Variants in SSH2 observed in about 807,000 individuals in gnomAD.
SSH2 encodes the protein slingshot protein phosphatase 2, also known as protein phosphatase Slingshot homolog 2.
In SSH2, 37 loss-of-function variants were observed where a neutral mutation model predicts 135.2. The ratio of observed to expected loss-of-function variants is 0.27; its 90% CI spans 0.21 to 0.36. The LOEUF is 0.36. Among genes scored for constraint, SSH2 ranks in the 10% least tolerant of loss-of-function variants. SSH2 has a pLI of 1.00. For synonymous variants in SSH2, 628 were observed against 646.2 expected (o/e 0.97, Z 0.43); for missense variants, 1,408 against 1,765.3 (o/e 0.80, Z 3.63).
chr17:29,876,680 A>C (rs1444954857), intron 1 of SSH2, among the ~76,000 whole-genome samples: 1 of 152,142 alleles, frequency 6.6e-6, no homozygotes, highest in Non-Finnish European at 1.5e-5. Context: ...AGAAGAATAA[A>C]ACTAGACCTC....
intron 3 of SSH2, among the ~76,000 whole-genome samples, chr17:29,739,634 A>G (rs770523386): frequency 2.0e-5 from 3 of 152,210 alleles, no homozygotes; most frequent in Non-Finnish European, 2.9e-5. Flanking sequence ...AGCCCTAATA[A>G]TAAATGCAAA....
chr17:29,636,011 G>C lies in SSH2; in HGVS notation c.2219C>G (p.Pro740Arg). 1 of 1,613,990 alleles carries C rather than the reference G, an allele frequency of 6.2e-7. No individual in the cohort carries two copies. Among genetic ancestry groups the C allele is most frequent in the Non-Finnish European group, 8.5e-7 (1 of 1,179,918 alleles). The change falls in exon 15 of 16, where the codon CCC becomes CGC. Residue 740 changes from proline to arginine, a missense_variant. By Grantham distance (103) the Pro-to-Arg change is moderately radical. Transcript: ENST00000540801. ...CATTGAAGATTCTTCTGATGCATGG[G>C]GAGTATTACTCAAAGAGCTGCTTCT... ...DQRSSSLSNTPHASEESSMDE... is the reference protein window; with the variant it reads ...DQRSSSLSNTRHASEESSMDE...
At chr17:29,909,814 C>G (rs540589736) in intron 1 of SSH2, among the ~76,000 whole-genome samples, 2 of 152,296 alleles carry the variant, frequency 1.3e-5, no homozygotes, top group Non-Finnish European at 2.9e-5. Context: ...TTGTTAGAAA[C>G]AAGACAGTCT....
intron 11 of SSH2, among the ~76,000 whole-genome samples, chr17:29,658,334 G>A (rs567620464): frequency 1.2e-4 from 18 of 151,150 alleles, no homozygotes; most frequent in South Asian, 8.4e-4. Context: ...GGTGGGTCTC[G>A]TTATGATGCC....
chr17:29,652,930 A>G (rs1194370829), intron 12 of SSH2, among the ~76,000 whole-genome samples: 1 of 152,208 alleles, frequency 6.6e-6, no homozygotes, highest in Admixed American at 6.6e-5. Flanking sequence ...TGCTGGGATT[A>G]CAGGTGTGAA....
At chr17:29,878,668 A>T (rs1002176745) in intron 1 of SSH2, among the ~76,000 whole-genome samples, 1 of 152,248 alleles carries the variant, frequency 6.6e-6, no homozygotes, top group Non-Finnish European at 1.5e-5. Flanking sequence ...TTTCTTCTAG[A>T]TTTCCACTAC....
Position 29,632,043 on chromosome 17 carries a change from T to A in SSH2, c.3151A>T (p.Thr1051Ser). ...YTHIVTSPNH[T>S]GPGSEIATSE... The stretch of plus-strand genomic sequence containing the variant: ...GTGGCTATTTCACTCCCTGGCCCAG[T>A]GTGATTGGGTGATGTAACTATGTGG... Residue 1051 changes from threonine to serine, a missense_variant, in exon 16 of 16, where the codon ACT (threonine) becomes TCT (serine). Around this residue, in one of 3 missense-constraint regions of SSH2, gnomAD observed 1,080 missense variants for 1,144.5 expected, o/e 0.94. Coordinates refer to ENST00000540801, the MANE Select transcript of SSH2 (RefSeq NM_001282129.2). 1.2e-6 allele frequency: 2 copies of A among 1,614,152 alleles called. No individual in the cohort carries two copies. The highest frequency in any genetic ancestry group is 1.7e-6 in the Non-Finnish European group (2 of 1,180,018).
At chr17:29,766,954 C>A (rs1221874917) in intron 3 of SSH2, among the ~76,000 whole-genome samples, 2 of 152,062 alleles carry the variant, frequency 1.3e-5, no homozygotes, top group Non-Finnish European at 2.9e-5. Context: ...TACAATAAAC[C>A]AAACTTTGTA....
At chr17:29,669,119 G>A (rs1276616032) in intron 9 of SSH2, among the ~76,000 whole-genome samples, 2 of 151,748 alleles carry the variant, frequency 1.3e-5, no homozygotes, top group South Asian at 2.1e-4. Flanking sequence ...CATGGTGGTG[G>A]GTGCCTGTAA....
In SSH2 at chr17:29,858,488, T is replaced by C. The variant is rs1248629603; in HGVS notation, c.64-9559A>G. Among the ~76,000 whole-genome samples, 3 of 152,126 alleles carry C rather than the reference T, an allele frequency of 2.0e-5. No homozygotes were observed. The East Asian group carries it at 5.8e-4, about 29-fold the overall frequency. ...ACGGAGCCTTTAAAGAGTAATCAAG[T>C]TAAAATGAGGTTTAGTAACCTAGGG... On this transcript the variant is annotated intron_variant, in intron 1 of 15. Coordinates refer to ENST00000540801, the MANE Select transcript of SSH2 (RefSeq NM_001282129.2).
rs552457224 is a variant in SSH2, at chr17:29,636,443, T to C, written c.1787A>G (p.Asn596Ser). ...AATTAAGGCTTTGGATGCATGGCAA[T>C]TGTCAAGAGGAAATTTTGATTCATT... ...CLNESKFPLDNCHASKALIQP... is the reference protein window; with the variant it reads ...CLNESKFPLDSCHASKALIQP... Residue 596 changes from asparagine (N) to serine (S), a missense_variant, in exon 15 of 16, where the codon AAT becomes AGT. Asn to Ser is a conservative substitution (Grantham distance 46). Coordinates refer to ENST00000540801, the MANE Select transcript of SSH2 (RefSeq NM_001282129.2). 3.6e-5 allele frequency: 58 copies of C among 1,614,220 alleles called. No individual in the cohort carries two copies. In the South Asian group the frequency reaches 6.0e-4, roughly 17 times the overall value.
At position 29,634,543 on chromosome 17, in the gene SSH2, G is replaced by GATT. The variant is rs138491296; in HGVS notation, c.2262+1422_2262+1424dup. 8.5e-4 allele frequency among the ~76,000 whole-genome samples: 128 copies of GATT among 151,240 alleles called. No homozygotes were observed. The South Asian group carries it at 0.011, about 13-fold the overall frequency. ...TCTGCTGGCAAATTCATTTCCTTTT[G>GATT]ATTATTATTATTATTATTATTATTT... On this transcript the variant is annotated intron_variant, in intron 15 of 15. Coordinates refer to ENST00000540801, the MANE Select transcript of SSH2 (RefSeq NM_001282129.2).
At chr17:29,787,328 A>G (rs1420689721) in intron 3 of SSH2, among the ~76,000 whole-genome samples, 1 of 152,216 alleles carries the variant, frequency 6.6e-6, no homozygotes, top group African/African-American at 2.4e-5. Flanking sequence ...AAGGCTGAAC[A>G]ATATTCCACT....
chr17:29,812,676 G>A (rs916651698), intron 2 of SSH2, among the ~76,000 whole-genome samples: 1 of 152,096 alleles, frequency 6.6e-6, no homozygotes, highest in African/African-American at 2.4e-5. Context: ...GGATCACGAG[G>A]TCAGGAGATC....
chr17:29,773,726 G>A (rs891921926), intron 3 of SSH2, among the ~76,000 whole-genome samples: 2 of 152,102 alleles, frequency 1.3e-5, no homozygotes, highest in Non-Finnish European at 2.9e-5. Flanking sequence ...TGCTCAGGCT[G>A]GAGTGCAATG....
intron 3 of SSH2, among the ~76,000 whole-genome samples, chr17:29,703,654 C>CG (rs2039080452): frequency 6.6e-5 from 2 of 30,114 alleles, no homozygotes; most frequent in South Asian, 2.3e-3. Context: ...CGGCTCACTG[C>CG]AACAACCTCC....
rs1805750243 is a variant in SSH2 at position 29,636,296 on chromosome 17, G to C, written c.1934C>G (p.Ser645Cys). Reference sequence around the variant, plus strand: ...GGACATGGGGGGGTCTTTCAGTGGAGATGTCAATTCTTCCATAGGCAGTAG... The same window carrying C: ...GGACATGGGGGGGTCTTTCAGTGGACATGTCAATTCTTCCATAGGCAGTAG... The part of the protein sequence containing the change: ...VHLLPMEELT[S>C]PLKDPPMSPD... The change falls in exon 15 of 16, where the codon TCT (serine) becomes TGT (cysteine). Residue 645 changes from serine to cysteine, a missense_variant. Ser to Cys is a moderately radical substitution (Grantham distance 112). Coordinates refer to ENST00000540801, the MANE Select transcript of SSH2 (RefSeq NM_001282129.2). 1 of 1,614,070 alleles carries C rather than the reference G, an allele frequency of 6.2e-7. No homozygotes were observed. Among genetic ancestry groups the C allele is most frequent in the African/African-American group, 1.3e-5 (1 of 74,918 alleles).
chr17:29,886,091 G>A (rs528969144), intron 1 of SSH2, among the ~76,000 whole-genome samples: 1 of 152,296 alleles, frequency 6.6e-6, no homozygotes, highest in Admixed American at 6.5e-5. Flanking sequence ...GAACAGTTTC[G>A]AGGACCCGGA....
At chr17:29,766,998 A>G (rs1225663818) in intron 3 of SSH2, among the ~76,000 whole-genome samples, 2 of 152,232 alleles carry the variant, frequency 1.3e-5, no homozygotes, top group African/African-American at 4.8e-5. Context: ...ATGTTTTGCA[A>G]TCACCATGTG....
Sources: allele counts gnomAD v4.1 joint callset (sites outside exome capture counted in the v4.1 genomes callset), GRCh38; gene constraint gnomAD v4.1.1; regional missense constraint gnomAD v4.1.1; transcripts MANE v1.5; gene names NCBI Gene and HGNC (gene_info 2026-07-23, HGNC 2026-07-21).